The following FIBCD1 variants were observed in gnomAD, a reference collection of about 807,000 sequenced individuals.
FIBCD1 encodes fibrinogen C domain-containing protein 1.
Under a neutral mutation model 45.1 loss-of-function variants are expected in FIBCD1, and 47 were observed. The ratio of observed to expected loss-of-function variants is 1.04; its 90% CI spans 0.82 to 1.33. The LOEUF (loss-of-function observed/expected upper bound fraction) is 1.33. FIBCD1 is among the 40% of genes most tolerant of loss of function. FIBCD1 has a pLI of 0.00. For missense variants in FIBCD1, 653 were observed against 682.2 expected (o/e 0.96, Z 0.48); for synonymous variants, 313 against 308.1 (o/e 1.02, Z -0.17).
At chr9:130,915,736 G>A (rs926467413) in intron 4 of FIBCD1, among the ~76,000 whole-genome samples, 5 of 152,108 alleles carry the variant, frequency 3.3e-5, no homozygotes, top group Admixed American at 6.5e-5. Context: ...AGCAACTGTC[G>A]GCCAACGTGG....
At chr9:130,909,017 C>G (rs1017828941) in intron 5 of FIBCD1, among the ~76,000 whole-genome samples, 1 of 152,110 alleles carries the variant, frequency 6.6e-6, no homozygotes, top group Non-Finnish European at 1.5e-5. Flanking sequence ...CTGACCCCGG[C>G]TGGTGCCCAG....
intron 1 of FIBCD1, among the ~76,000 whole-genome samples, chr9:130,931,090 G>A (rs1442682145): frequency 6.6e-6 from 1 of 152,132 alleles, no homozygotes; most frequent in Non-Finnish European, 1.5e-5. Context: ...GCCCCTGGCA[G>A]AGCAAATGCC....
chr9:130,911,866 C>T lies in FIBCD1; in HGVS notation c.872G>A (p.Gly291Asp), dbSNP rs761838548. ...CCAGCCCCGGAAGAAGTTCACGGAG[C>T]CGTCCTCCCGGCGCTGAAACACCTG... ...GWTVFQRRED[G>D]SVNFFRGWDA... The change falls in exon 5 of 7, where the codon GGC becomes GAC. Residue 291 changes from glycine to aspartate, a missense_variant. Gly to Asp is a moderately conservative substitution (Grantham distance 94). Coordinates refer to ENST00000372338, the MANE Select transcript of FIBCD1 (RefSeq NM_032843.5). The T allele has an allele frequency of 3.1e-6, 5 of 1,593,188 alleles. No individual in the cohort carries two copies. Among genetic ancestry groups the T allele is most frequent in the Non-Finnish European group, 4.3e-6 (5 of 1,171,062 alleles).
chr9:130,917,369 C>T (rs941221168), intron 4 of FIBCD1, among the ~76,000 whole-genome samples: 2 of 152,212 alleles, frequency 1.3e-5, no homozygotes, highest in East Asian at 1.9e-4. Context: ...CTTAGAGGGG[C>T]TCTGCCAAGG....
At chr9:130,906,229 A>G (rs55721504) in intron 5 of FIBCD1, among the ~76,000 whole-genome samples, 8,611 of 151,936 alleles carry the variant, frequency 0.057, 361 homozygotes, top group Middle Eastern at 0.095. Flanking sequence ...CTCCCCTACC[A>G]TACACATACG....
At chr9:130,909,265 C>T (rs1374916790) in intron 5 of FIBCD1, among the ~76,000 whole-genome samples, 10 of 151,828 alleles carry the variant, frequency 6.6e-5, no homozygotes, top group Admixed American at 1.3e-4. Flanking sequence ...GCGCCCCCTC[C>T]GCCGCCCCTC....
intron 4 of FIBCD1, among the ~76,000 whole-genome samples, chr9:130,919,023 CCCCAGGCTTGGCGCCCTGCCGTCATT>C (rs1286175081): frequency 7.9e-5 from 12 of 152,280 alleles, no homozygotes; most frequent in East Asian, 3.9e-4. Context: ...AAAACGGTAC[CCCCAGGCTTGGCGCCCTGCCGTCATT>C]CCCAGGCTTG....
intron 1 of FIBCD1, among the ~76,000 whole-genome samples, chr9:130,932,691 C>G (rs1832460313): frequency 1.3e-5 from 2 of 152,354 alleles, no homozygotes; most frequent in South Asian, 4.1e-4. Context: ...TGTGCTCCCC[C>G]CGTTAGGGTG....
chr9:130,911,317 T>C (rs565658395), intron 5 of FIBCD1, among the ~76,000 whole-genome samples: 15 of 103,800 alleles, frequency 1.4e-4, no homozygotes, highest in African/African-American at 9.5e-4. Context: ...AGCTTCATTC[T>C]TGAAATCAGT....
intron 4 of FIBCD1, among the ~76,000 whole-genome samples, chr9:130,920,744 A>G (rs1479443133): frequency 6.6e-6 from 1 of 152,044 alleles, no homozygotes; most frequent in East Asian, 1.9e-4. Flanking sequence ...AACAAGCCAT[A>G]CCGTCTCCCT....
intron 4 of FIBCD1, 91 bp from the exon 5 acceptor site, chr9:130,911,979 A>C (rs1432813514): frequency 3.4e-6 from 4 of 1,190,500 alleles, no homozygotes; most frequent in Non-Finnish European, 1.2e-6. Flanking sequence ...GACTCCCCTC[A>C]CCCTGCTCCC....
rs145886277 is a variant in FIBCD1, at chr9:130,932,352, G to A, written c.73-2306C>T. Among the ~76,000 whole-genome samples the A allele has an allele frequency of 1.4e-3, 209 of 152,254 alleles. 1 individual carries two copies. In the East Asian group the frequency reaches 0.035, roughly 26 times the overall value. On this transcript the variant is annotated intron_variant, in intron 1 of 6. Coordinates refer to ENST00000372338, the MANE Select transcript of FIBCD1 (RefSeq NM_032843.5). ...GAGATCTGCTTTGTTGTCAGGATGC[G>A]GAAGAGAGTTTCTTGGCCTGTCCCT... is the stretch of plus-strand genomic sequence containing the variant.
At chr9:130,906,055 T>C (rs1267001508) in intron 5 of FIBCD1, among the ~76,000 whole-genome samples, 1 of 152,154 alleles carries the variant, frequency 6.6e-6, no homozygotes, top group Non-Finnish European at 1.5e-5. Flanking sequence ...GGGTGGGGCC[T>C]GGCACAATGG....
chr9:130,921,623 T>C (rs908454180), intron 4 of FIBCD1, among the ~76,000 whole-genome samples: 11 of 152,132 alleles, frequency 7.2e-5, no homozygotes, highest in Admixed American at 3.9e-4. Flanking sequence ...TCCCGGGAGA[T>C]TGGCTTCATG....
rs142019177 is a variant in FIBCD1 at position 130,911,522 on chromosome 9, C to T, written c.946+270G>A. Among the ~76,000 whole-genome samples, 271 of 152,366 alleles carry T rather than the reference C, an allele frequency of 1.8e-3. 1 individual carries two copies. Among genetic ancestry groups the T allele is most frequent in the Non-Finnish European group, 3.1e-3 (214 of 68,036 alleles). On this transcript the variant is annotated intron_variant, in intron 5 of 6. Coordinates refer to ENST00000372338, the MANE Select transcript of FIBCD1 (RefSeq NM_032843.5). ...CAGCCAGCAGGTCCCAGGGTGACCC[C>T]GGCAGGAAGTGGCCTCCAAGGGCAT...
intron 2 of FIBCD1, among the ~76,000 whole-genome samples, chr9:130,925,896 C>T (rs1015295084): frequency 3.3e-5 from 5 of 152,178 alleles, no homozygotes; most frequent in African/African-American, 7.2e-5. Flanking sequence ...TATACAGTGC[C>T]GGCAGTTTAC....
At chr9:130,917,418 C>T (rs537179392) in intron 4 of FIBCD1, among the ~76,000 whole-genome samples, 92 of 152,274 alleles carry the variant, frequency 6.0e-4, no homozygotes, top group South Asian at 3.5e-3. Flanking sequence ...TGGTGCTGGG[C>T]GGGTTCAAAG....
chr9:130,912,755 G>A (rs1337484454), intron 4 of FIBCD1, among the ~76,000 whole-genome samples: 21 of 151,652 alleles, frequency 1.4e-4, no homozygotes, highest in Non-Finnish European at 3.1e-4. Context: ...GGCTTTGGGG[G>A]CATCTCCAGC....
At chr9:130,912,554 A>G (rs1055508208) in intron 4 of FIBCD1, among the ~76,000 whole-genome samples, 3 of 151,886 alleles carry the variant, frequency 2.0e-5, no homozygotes, top group African/African-American at 7.3e-5. Flanking sequence ...TGAAAATATA[A>G]AAATTAGCCA....
Sources: gnomAD v4.1 joint callset for allele counts (sites outside exome capture counted in the v4.1 genomes callset) on GRCh38, gnomAD v4.1.1 for gene constraint, MANE v1.5 for transcripts, NCBI Gene and HGNC (gene_info 2026-07-23, HGNC 2026-07-21) for gene names.